TAFA1: variants seen among roughly 807,000 people sequenced by gnomAD.
The protein encoded by TAFA1 is TAFA chemokine like family member 1, also known as chemokine-like protein TAFA-1.
In TAFA1, 4 loss-of-function variants were observed where a neutral mutation model predicts 18.5. The observed-to-expected ratio is 0.22, with a 90% CI of 0.11 to 0.49. The LOEUF (loss-of-function observed/expected upper bound fraction) is 0.49. TAFA1 is among the 20% of genes least tolerant of loss of function. The pLI, the probability that TAFA1 is intolerant of heterozygous loss-of-function variation, is 0.98. For synonymous variants in TAFA1, 56 were observed against 55.2 expected, an observed-to-expected ratio of 1.01 and a Z score of -0.06; for missense variants, 147 against 169.0, an observed-to-expected ratio of 0.87 and a Z score of 0.72.
In TAFA1 at chr3:68,339,935, G is replaced by C. The variant is rs117428676; in HGVS notation, c.119-77345G>C. On this transcript the variant is annotated intron_variant, in intron 2 of 4. Coordinates refer to ENST00000478136, the MANE Select transcript of TAFA1 (RefSeq NM_213609.4). ...CAATCAGCTCACAAAATGCAGCTAT[G>C]AGACAGCTCCCACAACCATCTTCTG... Among the ~76,000 whole-genome samples, 1,599 of 152,280 alleles carry C rather than the reference G, an allele frequency of 0.011. 82 individuals are homozygous for C. In the East Asian group the frequency reaches 0.16, roughly 16 times the overall value.
intron 2 of TAFA1, among the ~76,000 whole-genome samples, chr3:68,242,185 T>G (rs1295551644): frequency 6.6e-6 from 1 of 152,036 alleles, no homozygotes; most frequent in South Asian, 2.1e-4. Context: ...TCTGCAAAGG[T>G]TTAGTCCCTT....
intron 4 of TAFA1, among the ~76,000 whole-genome samples, chr3:68,539,624 AATTGAGT>A (rs2073334660): frequency 7.4e-6 from 1 of 135,562 alleles, no homozygotes; most frequent in South Asian, 2.5e-4. Context: ...TATGTGTATC[AATTGAGT>A]ATCAGCCCTG....
intron 2 of TAFA1, among the ~76,000 whole-genome samples, chr3:68,272,940 T>C (rs1001190629): frequency 6.6e-6 from 1 of 152,128 alleles, no homozygotes; most frequent in Admixed American, 6.6e-5. Context: ...TTATTCTACA[T>C]GAATGAACTG....
At chr3:68,147,409 C>A (rs1285564875) in intron 2 of TAFA1, among the ~76,000 whole-genome samples, 1 of 152,080 alleles carries the variant, frequency 6.6e-6, no homozygotes, top group Non-Finnish European at 1.5e-5. Context: ...CCCCTCCCAA[C>A]TTTCTGCTCC....
chr3:68,221,708 A>T (rs1162038122), intron 2 of TAFA1, among the ~76,000 whole-genome samples: 1 of 152,224 alleles, frequency 6.6e-6, no homozygotes, highest in Admixed American at 6.5e-5. Flanking sequence ...TAGTATTGCA[A>T]CTAGCAGGGT....
chr3:67,992,474 A>G, the TAFA1 span, among the ~76,000 whole-genome samples: 6 of 152,096 alleles, frequency 3.9e-5, no homozygotes. Context: ...CTTGATTCCC[A>G]TTATCTTATT....
At chr3:68,264,760 A>T (rs2067510288) in intron 2 of TAFA1, among the ~76,000 whole-genome samples, 1 of 146,718 alleles carries the variant, frequency 6.8e-6, no homozygotes, top group African/African-American at 2.7e-5. Flanking sequence ...TAAAGAAATT[A>T]TAAAGACAGA....
chr3:68,188,617 T>C (rs1029821880), intron 2 of TAFA1, among the ~76,000 whole-genome samples: 2 of 151,712 alleles, frequency 1.3e-5, no homozygotes, highest in African/African-American at 4.8e-5. Flanking sequence ...CTTATATCTA[T>C]GTTATGTTTA....
intron 3 of TAFA1, among the ~76,000 whole-genome samples, chr3:68,521,342 G>A (rs769023917): frequency 2.3e-4 from 35 of 152,200 alleles, no homozygotes; most frequent in Non-Finnish European, 4.6e-4. Flanking sequence ...CGCTGCTGGA[G>A]TGGGAAGTAT....
chr3:68,213,013 A>T (rs1259858097), intron 2 of TAFA1, among the ~76,000 whole-genome samples: 3 of 151,510 alleles, frequency 2.0e-5, no homozygotes, highest in Non-Finnish European at 4.4e-5. Flanking sequence ...TAACTTACAA[A>T]TGGTGGTATT....
intron 2 of TAFA1, among the ~76,000 whole-genome samples, chr3:68,361,594 G>A (rs937944933): frequency 6.6e-6 from 1 of 151,318 alleles, no homozygotes; most frequent in African/African-American, 2.4e-5. Context: ...ACAAATACAT[G>A]TCCCCCCTAA....
intron 3 of TAFA1, among the ~76,000 whole-genome samples, chr3:68,517,417 A>G (rs972905788): frequency 6.6e-6 from 1 of 152,190 alleles, no homozygotes; most frequent in African/African-American, 2.4e-5. Flanking sequence ...TCTTTTAGTC[A>G]TGGCCTTATG....
rs1191619080 is a variant in TAFA1, at chr3:68,439,414, T to TAC, written c.259+21995_259+21996insCA. ...AAGTAATAGAATATATATACATACATATATATATATATATATATATATATA... is the reference window on the plus strand; with the variant it reads ...AAGTAATAGAATATATATACATACATACATATATATATATATATATATATATA... On this transcript the variant is annotated intron_variant, in intron 3 of 4. Transcript: ENST00000478136. Among the ~76,000 whole-genome samples, 79 of 46,226 alleles carry TAC rather than the reference T, an allele frequency of 1.7e-3. 1 individual carries two copies. The highest frequency in any genetic ancestry group is 4.1e-3 in the East Asian group (7 of 1,722). The allele number at this position is 46,226 out of a possible 152,430, so 30.3% of individuals were successfully genotyped here.
At chr3:68,426,072 GA>G (rs1312732225) in intron 3 of TAFA1, among the ~76,000 whole-genome samples, 5 of 151,340 alleles carry the variant, frequency 3.3e-5, no homozygotes, top group Admixed American at 1.3e-4. Context: ...TAATTTTGTA[GA>G]AAAAATATAC....
At chr3:68,334,636 G>T (rs1234629363) in intron 2 of TAFA1, among the ~76,000 whole-genome samples, 4 of 152,102 alleles carry the variant, frequency 2.6e-5, no homozygotes, top group African/African-American at 9.7e-5. Context: ...ACTGATACCA[G>T]TGCTGCTTGA....
At chr3:68,459,577 A>G (rs1014376758) in intron 3 of TAFA1, among the ~76,000 whole-genome samples, 3 of 152,206 alleles carry the variant, frequency 2.0e-5, no homozygotes, top group African/African-American at 7.2e-5. Flanking sequence ...ACTAAATCCT[A>G]ACTGTGAGGA....
At chr3:68,191,889 A>G (rs886557300) in intron 2 of TAFA1, among the ~76,000 whole-genome samples, 3 of 151,826 alleles carry the variant, frequency 2.0e-5, no homozygotes, top group African/African-American at 4.8e-5. Flanking sequence ...AAACTCTTCA[A>G]TGTCACTCAA....
chr3:68,022,068 A>G (rs959342369), intron 2 of TAFA1, among the ~76,000 whole-genome samples: 2 of 152,190 alleles, frequency 1.3e-5, no homozygotes, highest in African/African-American at 4.8e-5. Context: ...TAATCTTTTC[A>G]TTAGTCTATT....
upstream of TAFA1, among the ~76,000 whole-genome samples, chr3:67,999,559 T>C (rs1308143871): frequency 2.4e-4 from 36 of 152,176 alleles, no homozygotes; most frequent in Non-Finnish European, 1.2e-4. Flanking sequence ...AGACTTTTTT[T>C]ATTCTCCAGG....
Sources: gnomAD v4.1 joint callset for allele counts (sites outside exome capture counted in the v4.1 genomes callset) on GRCh38, gnomAD v4.1.1 for gene constraint, MANE v1.5 for transcripts, NCBI Gene and HGNC (gene_info 2026-07-23, HGNC 2026-07-21) for gene names.